Variants in PLXNA4 observed in about 807,000 individuals in gnomAD.
PLXNA4 encodes the protein plexin-A4.
A neutral mutation model predicts 191.8 loss-of-function variants in PLXNA4; 44 were observed. The observed-to-expected ratio is 0.23, with a 90% CI of 0.18 to 0.29. The LOEUF (loss-of-function observed/expected upper bound fraction) is 0.29, where lower values mean the gene tolerates loss of function less well. PLXNA4 is among the 10% of genes least tolerant of loss of function. The pLI is 1.00. For missense variants in PLXNA4, 1,800 were observed against 2,488.8 expected (o/e 0.72, Z 5.89); for synonymous variants, 1,082 against 1,009.5 (o/e 1.07, Z -1.36).
At chr7:132,514,237 G>A (rs529354917) in intron 1 of PLXNA4, among the ~76,000 whole-genome samples, 1 of 151,626 alleles carries the variant, frequency 6.6e-6, no homozygotes, top group South Asian at 2.1e-4. Flanking sequence ...ATTTTTAGTA[G>A]AGACGGGGTT....
intron 3 of PLXNA4, among the ~76,000 whole-genome samples, chr7:132,401,460 C>A (rs534258035): frequency 6.6e-6 from 1 of 152,188 alleles, no homozygotes; most frequent in Non-Finnish European, 1.5e-5. Context: ...GAAGGTGAGA[C>A]ACACACATGA....
chr7:132,268,919 C>T (rs575938810), intron 4 of PLXNA4, among the ~76,000 whole-genome samples: 79 of 152,228 alleles, frequency 5.2e-4, no homozygotes, highest in Admixed American at 1.5e-3. Flanking sequence ...CAAGGGGACA[C>T]GGTAGCACTT....
chr7:132,377,422 G>GAAAAAAAA (rs10596289), intron 3 of PLXNA4, among the ~76,000 whole-genome samples: 10 of 86,528 alleles, frequency 1.2e-4, no homozygotes, highest in Non-Finnish European at 1.5e-4. Flanking sequence ...AAATGAAAAA[G>GAAAAAAAA]AAAAAAAAAA....
At chr7:132,635,682 G>A (rs1024323346) in intron 2 of PLXNA4, among the ~76,000 whole-genome samples, 6 of 152,058 alleles carry the variant, frequency 3.9e-5, no homozygotes, top group African/African-American at 1.4e-4. Flanking sequence ...CTGTCAGGCT[G>A]GCCTCAAACC....
In PLXNA4 at chr7:132,642,398, C is replaced by T. The variant is rs1018739938; in HGVS notation, c.-87+3530G>A. ...CTGTATAGTATTAAGTGATTGATTACAAGTCTACAGAATGCTGGGATGAAC... is the reference window on the plus strand; with the variant it reads ...CTGTATAGTATTAAGTGATTGATTATAAGTCTACAGAATGCTGGGATGAAC... On this transcript the variant is annotated intron_variant, in intron 2 of 4. Transcript: ENST00000378539. 4.0e-5 allele frequency among the ~76,000 whole-genome samples: 6 copies of T among 151,888 alleles called. No individual in the cohort carries two copies. The East Asian group carries it at 1.2e-3, about 29-fold the overall frequency.
rs866624006 is a variant in PLXNA4, at chr7:132,434,486, C to T, written c.1371+54806G>A. Among the ~76,000 whole-genome samples, 10 of 152,364 alleles carry T rather than the reference C, an allele frequency of 6.6e-5. No homozygotes were observed. In the South Asian group the frequency reaches 1.2e-3, roughly 19 times the overall value. On this transcript the variant is annotated intron_variant, in intron 3 of 31. Coordinates refer to ENST00000321063, the MANE Select transcript of PLXNA4 (RefSeq NM_020911.2). ...TCAGACTTAGAAGTTCAGATTCCCT[C>T]AAGACACAAACCAGTTTGTGGCTTT... is the stretch of plus-strand genomic sequence containing the variant.
intron 1 of PLXNA4, among the ~76,000 whole-genome samples, chr7:132,543,392 GTC>G (rs1420401723): frequency 2.0e-5 from 3 of 152,158 alleles, no homozygotes; most frequent in African/African-American, 7.2e-5. Flanking sequence ...GCCAGCAAAA[GTC>G]TAATCCCTCT....
At chr7:132,587,099 T>C (rs1399001685) in intron 2 of PLXNA4, among the ~76,000 whole-genome samples, 1 of 152,198 alleles carries the variant, frequency 6.6e-6, no homozygotes, top group Non-Finnish European at 1.5e-5. Context: ...CATTATTGTG[T>C]AGAGCTCAAG....
chr7:132,517,171 A>T (rs1798974630), intron 1 of PLXNA4, among the ~76,000 whole-genome samples: 2 of 152,144 alleles, frequency 1.3e-5, no homozygotes, highest in Non-Finnish European at 2.9e-5. Context: ...CACAAATAAC[A>T]TGCGCTTCCC....
intron 3 of PLXNA4, among the ~76,000 whole-genome samples, chr7:132,371,784 GACACACAA>G (rs2116901282): frequency 6.6e-6 from 1 of 152,192 alleles, no homozygotes; most frequent in African/African-American, 2.4e-5. Context: ...CCTGCCTCCT[GACACACAA>G]ACACACACAC....
At chr7:132,482,983 G>A (rs900071416) in intron 3 of PLXNA4, among the ~76,000 whole-genome samples, 6 of 152,046 alleles carry the variant, frequency 3.9e-5, no homozygotes, top group Non-Finnish European at 7.4e-5. Flanking sequence ...GAGCCACCGC[G>A]CCCGGCCGAG....
chr7:132,561,880 TCTCCTCTGC>T (rs1801136829), intron 1 of PLXNA4, among the ~76,000 whole-genome samples: 1 of 79,126 alleles, frequency 1.3e-5, no homozygotes, highest in Non-Finnish European at 2.6e-5. Flanking sequence ...TCCTCCTCCT[TCTCCTCTGC>T]CTTCTCCTTC....
intron 4 of PLXNA4, among the ~76,000 whole-genome samples, chr7:132,290,187 T>C (rs1308984182): frequency 6.6e-6 from 1 of 152,198 alleles, no homozygotes; most frequent in East Asian, 1.9e-4. Flanking sequence ...AAGGACACCA[T>C]AAAAGATGGC....
Position 132,168,336 on chromosome 7 carries a change from C to T in PLXNA4, c.4254G>A (p.Glu1418=), listed in dbSNP as rs200132155. 1,542 of 1,593,848 alleles carry T rather than the reference C, an allele frequency of 9.7e-4. 32 individuals carry two copies. The South Asian group carries it at 0.017, about 17-fold the overall frequency. Residue 1418 remains glutamate (E), a synonymous_variant, in exon 22 of 32, where the codon GAG becomes GAA. Coordinates refer to ENST00000321063, the MANE Select transcript of PLXNA4 (RefSeq NM_020911.2). The part of the protein sequence containing the change: ...LLADLIDKNL[E]SKNHPKLLLR... ...GCAGCAGCTTAGGGTGGTTCTTGCT[C>T]TCCAGGTTCTTGTCAATGAGGTCGG... is the stretch of plus-strand genomic sequence containing the variant.
At chr7:132,524,487 G>T (rs558230559) in intron 1 of PLXNA4, among the ~76,000 whole-genome samples, 1 of 152,156 alleles carries the variant, frequency 6.6e-6, no homozygotes, top group Non-Finnish European at 1.5e-5. Context: ...GAGTGCCCTG[G>T]GTTCCCCATT....
chr7:132,506,963 C>A (rs1798488202), intron 2 of PLXNA4, among the ~76,000 whole-genome samples: 1 of 152,228 alleles, frequency 6.6e-6, no homozygotes, highest in African/African-American at 2.4e-5. Flanking sequence ...ACTGTGCTCT[C>A]ATTTTAGCAT....
At chr7:132,245,489 G>A (rs1172438310) in intron 4 of PLXNA4, among the ~76,000 whole-genome samples, 8 of 152,342 alleles carry the variant, frequency 5.3e-5, no homozygotes, top group South Asian at 4.1e-4. Flanking sequence ...TTGGGACATC[G>A]TCCTGGCTTT....
Position 132,246,261 on chromosome 7 carries a change from T to C in PLXNA4, c.1504-5095A>G, listed in dbSNP as rs140593327. ...CTAATACAATCATCTTTATGAAATATTCTGATATCTTTCAGTCAAAAGATA... is the reference window on the plus strand; with the variant it reads ...CTAATACAATCATCTTTATGAAATACTCTGATATCTTTCAGTCAAAAGATA... On this transcript the variant is annotated intron_variant, in intron 4 of 31. Transcript: ENST00000321063. 2.0e-5 allele frequency among the ~76,000 whole-genome samples: 3 copies of C among 152,346 alleles called. No homozygotes were observed. In the East Asian group the frequency reaches 5.8e-4, roughly 29 times the overall value.
At chr7:132,427,570 C>T (rs549145148) in intron 3 of PLXNA4, among the ~76,000 whole-genome samples, 50 of 152,312 alleles carry the variant, frequency 3.3e-4, no homozygotes, top group African/African-American at 1.0e-3. Context: ...CTCCTCTAAG[C>T]GAGTAGTACA....
Sources: allele counts gnomAD v4.1 joint callset (sites outside exome capture counted in the v4.1 genomes callset), GRCh38; gene constraint gnomAD v4.1.1; transcripts MANE v1.5; gene names NCBI Gene and HGNC (gene_info 2026-07-23, HGNC 2026-07-21).